The following FAM151A variants were observed in gnomAD, a reference collection of about 807,000 sequenced individuals.
FAM151A encodes protein FAM151A.
A neutral mutation model predicts 40.4 loss-of-function variants in FAM151A; 41 were observed. The observed-to-expected ratio is 1.01, with a 90% CI of 0.79 to 1.32. The LOEUF (loss-of-function observed/expected upper bound fraction) is 1.32, where lower values mean the gene tolerates loss of function less well. Ranked by LOEUF, FAM151A falls within the 40% of genes most tolerant of loss-of-function variation. The pLI is 0.00. For missense variants in FAM151A, 740 were observed against 740.4 expected, an observed-to-expected ratio of 1.00 and a Z score of 0.01; for synonymous variants, 337 against 312.5, an observed-to-expected ratio of 1.08 and a Z score of -0.83.
intron 7 of FAM151A, 138 bp downstream of exon 7, chr1:54,610,274 C>A (rs1644102923): frequency 2.7e-6 from 4 of 1,500,336 alleles, no homozygotes; most frequent in Non-Finnish European, 3.5e-6. Flanking sequence ...TCCCCGCAAC[C>A]CTGCCCCACC....
chr1:54,616,252 T>G (rs1569792207), intron 2 of FAM151A, 80 bp from the exon 3 acceptor site: 1 of 1,243,362 alleles, frequency 8.0e-7, no homozygotes, highest in East Asian at 2.4e-5. Flanking sequence ...GCATTACAAA[T>G]TACAGAACAT....
At chr1:54,617,995 G>A (rs1644192743) in intron 2 of FAM151A, among the ~76,000 whole-genome samples, 1 of 152,044 alleles carries the variant, frequency 6.6e-6, no homozygotes, top group South Asian at 2.1e-4. Flanking sequence ...CCAAACTGCT[G>A]GAATTACAGG....
intron 1 of FAM151A, among the ~76,000 whole-genome samples, chr1:54,623,068 C>G (rs184101890): frequency 6.6e-6 from 1 of 151,180 alleles, no homozygotes; most frequent in East Asian, 2.0e-4. Context: ...CCCAGCTACT[C>G]GGGAGGCTGA....
chr1:54,623,069 G>C (rs763723660), intron 1 of FAM151A, among the ~76,000 whole-genome samples: 4 of 151,494 alleles, frequency 2.6e-5, no homozygotes, highest in Non-Finnish European at 2.9e-5. Context: ...CCAGCTACTC[G>C]GGAGGCTGAG....
chr1:54,609,965 A>G (rs1280958250), intron 7 of FAM151A, 24 bp from the exon 8 acceptor site: 1 of 1,589,450 alleles, frequency 6.3e-7, no homozygotes, highest in South Asian at 1.1e-5. Context: ...CAGAGGCAAC[A>G]GTGTTTAGGA....
At chr1:54,610,231 C>T in intron 7 of FAM151A, 181 bp downstream of exon 7, 1 of 1,441,372 alleles carries the variant, frequency 6.9e-7, no homozygotes, top group Non-Finnish European at 9.1e-7. Flanking sequence ...GCCAGGAGCC[C>T]TGTGCTCTTG....
At chr1:54,611,398 T>C (rs557201101) in intron 6 of FAM151A, among the ~76,000 whole-genome samples, 21 of 151,800 alleles carry the variant, frequency 1.4e-4, no homozygotes, top group African/African-American at 4.8e-4. Context: ...AGACTACATC[T>C]CAAAAAAATA....
chr1:54,614,897 A>G, intron 3 of FAM151A, 38 bp from the exon 4 acceptor site: 1 of 1,600,606 alleles, frequency 6.2e-7, no homozygotes, highest in Non-Finnish European at 8.5e-7. Flanking sequence ...GAAATGGCGA[A>G]GGAACTAGGA....
chr1:54,610,261 C>T (rs1644102713), intron 7 of FAM151A, 151 bp downstream of exon 7: 1 of 1,475,734 alleles, frequency 6.8e-7, no homozygotes, highest in Non-Finnish European at 8.9e-7. Flanking sequence ...TACTCCCTCT[C>T]CCTCCCCGCA....
chr1:54,614,690 G>C lies in FAM151A; in HGVS notation c.575+10C>G. The C allele has an allele frequency of 1.2e-6, 2 of 1,606,570 alleles. No individual in the cohort carries two copies. On this transcript the variant is annotated intron_variant, in intron 4 of 7. Coordinates refer to ENST00000302250, the MANE Select transcript of FAM151A (RefSeq NM_176782.3). ...CTGGACACAGCTGGGACAGAGAGGCGAACACTCACTGTGTGGCATTGACCT... is the reference window on the plus strand; with the variant it reads ...CTGGACACAGCTGGGACAGAGAGGCCAACACTCACTGTGTGGCATTGACCT...
intron 1 of FAM151A, among the ~76,000 whole-genome samples, chr1:54,621,075 A>G (rs1487061295): frequency 6.6e-6 from 1 of 151,036 alleles, no homozygotes; most frequent in Non-Finnish European, 1.5e-5. Context: ...GCAGAGAATC[A>G]CTTGAACCTG....
intron 2 of FAM151A, 31 bp from the exon 3 acceptor site, chr1:54,616,203 C>T: frequency 6.4e-7 from 1 of 1,564,004 alleles, no homozygotes; most frequent in Non-Finnish European, 8.7e-7. Flanking sequence ...CAGTGAGTTC[C>T]TTTTTTTAAA....
In FAM151A at chr1:54,612,646, A is replaced by G; in HGVS notation, c.640T>C (p.Tyr214His). 1 of 1,614,066 alleles carries G rather than the reference A, an allele frequency of 6.2e-7. No homozygotes were observed. Among genetic ancestry groups the G allele is most frequent in the Non-Finnish European group, 8.5e-7 (1 of 1,180,020 alleles). The change falls in exon 5 of 8, where the codon TAC (tyrosine) becomes CAC (histidine). Residue 214 changes from tyrosine (Y) to histidine (H), a missense_variant. Physicochemically the swap from Tyr to His is moderately conservative, Grantham distance 83. Coordinates refer to ENST00000302250, the MANE Select transcript of FAM151A (RefSeq NM_176782.3). ...GTCCTGTTTGGGGACGTGGACATGT[A>G]GAAGGTGGTCCAGCCTGGAGATAGG... Reference protein sequence around the residue: ...ATLSPGWTTFYMSTSPNRTYT... With the variant: ...ATLSPGWTTFHMSTSPNRTYT...
intron 2 of FAM151A, among the ~76,000 whole-genome samples, chr1:54,617,960 C>G (rs1217652726): frequency 6.6e-6 from 1 of 151,956 alleles, no homozygotes; most frequent in Non-Finnish European, 1.5e-5. Flanking sequence ...CTCCTGACCT[C>G]AGGTGATCCA....
chr1:54,614,948 GTGT>G, intron 3 of FAM151A, 89 bp from the exon 4 acceptor site: 1 of 1,282,032 alleles, frequency 7.8e-7, no homozygotes, highest in Non-Finnish European at 1.1e-6. Flanking sequence ...GGGTGTGTGT[GTGT>G]GTGCATGTGC....
At chr1:54,611,991 T>C (rs1160394171) in intron 5 of FAM151A, among the ~76,000 whole-genome samples, 1 of 150,462 alleles carries the variant, frequency 6.6e-6, no homozygotes, top group African/African-American at 2.5e-5. Flanking sequence ...TCACTTGCAG[T>C]GTCTATTTCT....
In FAM151A at chr1:54,623,263, G is replaced by A; in HGVS notation, c.118+15C>T. ...GAGGGAAGCCACTCAGGATGACATG[G>A]GGGGAGGCACCTACCTGGCCGCCGC... On this transcript the variant is annotated intron_variant, in intron 1 of 7. Coordinates refer to ENST00000302250, the MANE Select transcript of FAM151A (RefSeq NM_176782.3). 1 of 1,588,756 alleles carries A rather than the reference G, an allele frequency of 6.3e-7. No homozygotes were observed. The highest frequency in any genetic ancestry group is 8.6e-7 in the Non-Finnish European group (1 of 1,157,426).
intron 7 of FAM151A, 133 bp downstream of exon 7, chr1:54,610,279 C>G: frequency 6.6e-7 from 1 of 1,506,272 alleles, no homozygotes; most frequent in South Asian, 1.3e-5. Context: ...GCAACCCTGC[C>G]CCACCTTGCA....
At position 54,612,720 on chromosome 1, in the gene FAM151A, A is replaced by C. The variant is rs763372359; in HGVS notation, c.576-10T>G. The C allele has an allele frequency of 6.2e-7, 1 of 1,609,796 alleles. No homozygotes were observed. The highest frequency in any genetic ancestry group is 8.5e-7 in the Non-Finnish European group (1 of 1,176,938). On this transcript the variant is annotated splice_polypyrimidine_tract_variant and intron_variant, in intron 4 of 7. Transcript: ENST00000302250. Reference sequence around the variant, plus strand: ...GACCAGGGCCAGGAACCTGCAAAAAAATCAGAGATGTTGGTCTCACGGAGC... The same window carrying C: ...GACCAGGGCCAGGAACCTGCAAAAACATCAGAGATGTTGGTCTCACGGAGC...
Sources: gnomAD v4.1 joint callset for allele counts (sites outside exome capture counted in the v4.1 genomes callset) on GRCh38, gnomAD v4.1.1 for gene constraint, MANE v1.5 for transcripts, NCBI Gene and HGNC (gene_info 2026-07-23, HGNC 2026-07-21) for gene names.